The following SPPL3 variants were observed in gnomAD, a reference collection of about 807,000 sequenced individuals.
SPPL3 encodes the protein signal peptide peptidase like 3, also known as signal peptide peptidase-like 3.
A neutral mutation model predicts 42.4 loss-of-function variants in SPPL3; 5 were observed. That is an observed-to-expected ratio of 0.12 (90% confidence interval 0.06 to 0.25). The LOEUF is 0.25. SPPL3 is among the 10% of genes least tolerant of loss of function. The pLI, the probability that SPPL3 is intolerant of heterozygous loss-of-function variation, is 1.00. For synonymous variants in SPPL3, 195 were observed against 181.8 expected (o/e 1.07, Z -0.58); for missense variants, 235 against 489.0 (o/e 0.48, Z 4.90).
At chr12:120,780,905 C>T (rs1869511920) in intron 6 of SPPL3, among the ~76,000 whole-genome samples, 1 of 151,934 alleles carries the variant, frequency 6.6e-6, no homozygotes, top group African/African-American at 2.4e-5. Context: ...AGCGAAACTC[C>T]CTCCCCCAAA....
At chr12:120,834,911 AAC>A (rs1871557089) in intron 1 of SPPL3, among the ~76,000 whole-genome samples, 1 of 152,182 alleles carries the variant, frequency 6.6e-6, no homozygotes, top group Non-Finnish European at 1.5e-5. Context: ...TAATAACTGA[AAC>A]ACACATTTCT....
intron 2 of SPPL3, among the ~76,000 whole-genome samples, chr12:120,793,189 T>C (rs1403550412): frequency 6.6e-6 from 1 of 152,182 alleles, no homozygotes; most frequent in East Asian, 1.9e-4. Context: ...TCAACACCGT[T>C]AGTCATCAGG....
intron 2 of SPPL3, among the ~76,000 whole-genome samples, chr12:120,796,269 G>C (rs1870094051): frequency 6.6e-6 from 1 of 152,120 alleles, no homozygotes; most frequent in Non-Finnish European, 1.5e-5. Context: ...CCAGCTACTT[G>C]GGAGGCTGAG....
At chr12:120,818,504 T>C (rs1592977778) in intron 1 of SPPL3, among the ~76,000 whole-genome samples, 1 of 152,230 alleles carries the variant, frequency 6.6e-6, no homozygotes, top group East Asian at 1.9e-4. Context: ...CAAACATCTA[T>C]TTCTAGCTAC....
chr12:120,765,896 C>A (rs1168894997), intron 10 of SPPL3, among the ~76,000 whole-genome samples: 1 of 152,108 alleles, frequency 6.6e-6, no homozygotes, highest in Non-Finnish European at 1.5e-5. Flanking sequence ...CTTAATTATT[C>A]CCAAACTTTA....
intron 1 of SPPL3, among the ~76,000 whole-genome samples, chr12:120,862,163 G>C (rs1156659651): frequency 6.6e-6 from 1 of 152,104 alleles, no homozygotes; most frequent in African/African-American, 2.4e-5. Flanking sequence ...CATTGAAACT[G>C]TGAATATGAA....
chr12:120,809,009 G>GA (rs1175407470), intron 2 of SPPL3, among the ~76,000 whole-genome samples: 3 of 152,196 alleles, frequency 2.0e-5, no homozygotes, highest in Admixed American at 2.0e-4. Flanking sequence ...TAATGCTTCT[G>GA]AGAGTGGTTA....
intron 1 of SPPL3, among the ~76,000 whole-genome samples, chr12:120,862,631 T>C (rs1202505488): frequency 2.0e-5 from 3 of 151,794 alleles, no homozygotes; most frequent in Non-Finnish European, 2.9e-5. Flanking sequence ...CTGAGAGGAG[T>C]ATGCAAAGTT....
intron 1 of SPPL3, among the ~76,000 whole-genome samples, chr12:120,902,471 T>C (rs2137075474): frequency 6.6e-6 from 1 of 152,336 alleles, no homozygotes; most frequent in East Asian, 1.9e-4. Flanking sequence ...TGTAGTAAGA[T>C]CTGTGGCACT....
chr12:120,803,051 T>C (rs1052565436), intron 2 of SPPL3, among the ~76,000 whole-genome samples: 20 of 152,246 alleles, frequency 1.3e-4, no homozygotes, highest in African/African-American at 4.8e-4. Flanking sequence ...GTCGTTAGGA[T>C]AAAAGTCTGT....
Position 120,808,322 on chromosome 12 carries a change from T to C in SPPL3, c.101+2487A>G, listed in dbSNP as rs543342626. On this transcript the variant is annotated intron_variant, in intron 2 of 10. Transcript: ENST00000353487. Reference sequence around the variant, plus strand: ...AACTCCTGGGCTCAGGGCATCTGCCTGCTTCAGCCTCCCAAAGTGCTGGGA... The same window carrying C: ...AACTCCTGGGCTCAGGGCATCTGCCCGCTTCAGCCTCCCAAAGTGCTGGGA... Among the ~76,000 whole-genome samples the C allele has an allele frequency of 6.8e-4, 104 of 152,230 alleles. 1 individual carries two copies. The highest frequency in any genetic ancestry group is 2.5e-3 in the African/African-American group (102 of 41,554).
chr12:120,894,311 C>T (rs1052783740), intron 1 of SPPL3, among the ~76,000 whole-genome samples: 1 of 151,840 alleles, frequency 6.6e-6, no homozygotes, highest in African/African-American at 2.4e-5. Context: ...GCAACAAGAC[C>T]GAAACTCCAT....
intron 2 of SPPL3, among the ~76,000 whole-genome samples, chr12:120,794,687 C>T (rs1456307259): frequency 1.3e-5 from 2 of 152,184 alleles, no homozygotes. Context: ...TGAGACACTG[C>T]ACCTGGACAA....
chr12:120,808,575 TTA>T (rs1870580501), intron 2 of SPPL3, among the ~76,000 whole-genome samples: 1 of 152,244 alleles, frequency 6.6e-6, no homozygotes, highest in Admixed American at 6.5e-5. Flanking sequence ...TTCTGGATAT[TTA>T]TCTTGGTGAT....
At chr12:120,796,535 C>G (rs1449289518) in intron 2 of SPPL3, among the ~76,000 whole-genome samples, 3 of 151,934 alleles carry the variant, frequency 2.0e-5, no homozygotes, top group Non-Finnish European at 1.5e-5. Flanking sequence ...TCATGTTTTC[C>G]TTTTTTGCCT....
intron 1 of SPPL3, among the ~76,000 whole-genome samples, chr12:120,862,431 G>A (rs752362475): frequency 1.3e-5 from 2 of 152,092 alleles, no homozygotes; most frequent in Non-Finnish European, 1.5e-5. Context: ...TCAAGTCCAG[G>A]TCACCCGTAC....
At chr12:120,797,098 T>A (rs516649) in intron 2 of SPPL3, among the ~76,000 whole-genome samples, 2 of 152,042 alleles carry the variant, frequency 1.3e-5, no homozygotes, top group Admixed American at 6.5e-5. Context: ...ACCCGGGAGG[T>A]GGAGGTGGCA....
rs71076676 is a variant in SPPL3 at position 120,876,616 on chromosome 12, C to CAAAAAA, written c.23+27223_23+27228dup. On this transcript the variant is annotated intron_variant, in intron 1 of 10. Coordinates refer to ENST00000353487, the MANE Select transcript of SPPL3 (RefSeq NM_139015.5). ...TGTGTGACAGAGCGAGACTCTGTCT[C>CAAAAAA]AAAAAAAAAAAAAAAAAAAAGAAGA... 3.4e-3 allele frequency among the ~76,000 whole-genome samples: 172 copies of CAAAAAA among 51,154 alleles called. 10 individuals are homozygous for CAAAAAA. Among genetic ancestry groups the CAAAAAA allele is most frequent in the Middle Eastern group, 0.027 (2 of 74 alleles). The allele number at this position is 51,154 out of a possible 152,430, so 33.6% of individuals were successfully genotyped here.
chr12:120,795,427 C>A (rs1156520504), intron 2 of SPPL3, among the ~76,000 whole-genome samples: 1 of 152,182 alleles, frequency 6.6e-6, no homozygotes, highest in Non-Finnish European at 1.5e-5. Context: ...GAGATGAATT[C>A]TTTCCGGTAG....
Sources: allele counts gnomAD v4.1 joint callset (sites outside exome capture counted in the v4.1 genomes callset), GRCh38; gene constraint gnomAD v4.1.1; transcripts MANE v1.5; gene names NCBI Gene and HGNC (gene_info 2026-07-23, HGNC 2026-07-21).